RHBDD1: variants seen among roughly 807,000 people sequenced by gnomAD.
RHBDD1 encodes the protein rhomboid domain containing 1.
In RHBDD1, 38 loss-of-function variants were observed where a neutral mutation model predicts 36.3. The ratio of observed to expected loss-of-function variants is 1.05; its 90% CI spans 0.81 to 1.37. The LOEUF (loss-of-function observed/expected upper bound fraction) is 1.37. Ranked by LOEUF, RHBDD1 falls within the 40% of genes most tolerant of loss-of-function variation. RHBDD1 has a pLI of 0.00. For synonymous variants in RHBDD1, 151 were observed against 136.5 expected (o/e 1.11, Z -0.74); for missense variants, 393 against 377.6 (o/e 1.04, Z -0.34).
At chr2:226,958,635 A>G (rs1036824996) in intron 8 of RHBDD1, among the ~76,000 whole-genome samples, 1 of 152,002 alleles carries the variant, frequency 6.6e-6, no homozygotes, top group African/African-American at 2.4e-5. Context: ...ATAATAGAGG[A>G]GAAAAACTGA....
At chr2:226,963,970 C>T (rs966779633) in intron 8 of RHBDD1, among the ~76,000 whole-genome samples, 1 of 152,144 alleles carries the variant, frequency 6.6e-6, no homozygotes, top group Non-Finnish European at 1.5e-5. Flanking sequence ...GCTAATCCTT[C>T]ACCCACCTAC....
intron 5 of RHBDD1, among the ~76,000 whole-genome samples, chr2:226,893,876 G>A (rs780370283): frequency 1.2e-4 from 18 of 152,266 alleles, no homozygotes; most frequent in East Asian, 5.8e-4. Context: ...CCAGTCTGTC[G>A]AAAGGACATT....
At chr2:226,949,755 G>A (rs1275715936) in intron 8 of RHBDD1, among the ~76,000 whole-genome samples, 1 of 152,052 alleles carries the variant, frequency 6.6e-6, no homozygotes, top group African/African-American at 2.4e-5. Context: ...GACAGGTTTG[G>A]CTTCTCCTGA....
chr2:226,843,318 T>C (rs182007488), intron 3 of RHBDD1, among the ~76,000 whole-genome samples: 1 of 152,130 alleles, frequency 6.6e-6, no homozygotes, highest in African/African-American at 2.4e-5. Flanking sequence ...TGAATAGGAG[T>C]GGTGGGAGAG....
intron 3 of RHBDD1, among the ~76,000 whole-genome samples, chr2:226,860,271 T>C (rs1446583123): frequency 1.3e-5 from 2 of 152,142 alleles, no homozygotes; most frequent in African/African-American, 2.4e-5. Flanking sequence ...GCACAGGGAC[T>C]GGCCTTTCTT....
chr2:226,903,873 C>G (rs189367608), intron 5 of RHBDD1, among the ~76,000 whole-genome samples: 2 of 152,130 alleles, frequency 1.3e-5, no homozygotes, highest in Admixed American at 1.3e-4. Flanking sequence ...AATAGCAGAA[C>G]GGCGCAACAG....
At chr2:226,954,088 C>T (rs1291817239) in intron 8 of RHBDD1, among the ~76,000 whole-genome samples, 1 of 152,150 alleles carries the variant, frequency 6.6e-6, no homozygotes, top group Non-Finnish European at 1.5e-5. Flanking sequence ...GAATACCTGC[C>T]ATGTTTCCGG....
chr2:226,985,634 C>T (rs1039027253), intron 8 of RHBDD1, among the ~76,000 whole-genome samples: 2 of 152,238 alleles, frequency 1.3e-5, no homozygotes, highest in Admixed American at 6.5e-5. Flanking sequence ...CGGAGTCACC[C>T]GGGAGCTCAT....
intron 8 of RHBDD1, among the ~76,000 whole-genome samples, chr2:226,949,097 A>T (rs1294973601): frequency 6.6e-6 from 1 of 152,202 alleles, no homozygotes; most frequent in Non-Finnish European, 1.5e-5. Context: ...CTTCAAGGAG[A>T]ACTACAAACC....
intron 3 of RHBDD1, among the ~76,000 whole-genome samples, chr2:226,843,586 A>G (rs1020799369): frequency 6.6e-6 from 1 of 152,124 alleles, no homozygotes; most frequent in South Asian, 2.1e-4. Context: ...TAATTTGTAT[A>G]TGTTGAACCA....
At chr2:226,854,601 G>GAAAAA (rs34985443) in intron 3 of RHBDD1, among the ~76,000 whole-genome samples, 7 of 83,666 alleles carry the variant, frequency 8.4e-5, no homozygotes, top group East Asian at 3.9e-4. Flanking sequence ...ACTCTGTTTC[G>GAAAAA]AAAAAAAAAA....
chr2:226,853,184 T>C (rs1188936529), intron 3 of RHBDD1, among the ~76,000 whole-genome samples: 1 of 152,164 alleles, frequency 6.6e-6, no homozygotes, highest in Non-Finnish European at 1.5e-5. Context: ...TTTTAAAACA[T>C]TCAAACTTCA....
chr2:226,940,933 C>G (rs767106506), intron 8 of RHBDD1, among the ~76,000 whole-genome samples: 1 of 151,742 alleles, frequency 6.6e-6, no homozygotes, highest in Non-Finnish European at 1.5e-5. Flanking sequence ...CTAGATTAGA[C>G]TCACATTTTC....
rs1408856860 is a variant in RHBDD1, at chr2:226,997,196, A to G, written c.*1674A>G. 6.6e-6 allele frequency: 1 copy of G among 152,176 alleles called. No homozygotes were observed. The highest frequency in any genetic ancestry group is 2.4e-5 in the African/African-American group (1 of 41,420). 9.4% of individuals were successfully genotyped at this position (152,176 alleles called of 1,614,324 possible). A position where few individuals can be genotyped will look rare whatever the true frequency, so the allele number is the denominator to read the frequency against. On this transcript the variant is annotated 3_prime_UTR_variant, in exon 9 of 9. Coordinates refer to ENST00000392062, the MANE Select transcript of RHBDD1 (RefSeq NM_001167608.3). Reference sequence around the variant, plus strand: ...TTTGGTTAATTTATAACTGATATAAAACTACATCTTCTTTATAATATAAAT... The same window carrying G: ...TTTGGTTAATTTATAACTGATATAAGACTACATCTTCTTTATAATATAAAT...
At chr2:226,877,095 G>A (rs1356858423) in intron 5 of RHBDD1, among the ~76,000 whole-genome samples, 1 of 152,134 alleles carries the variant, frequency 6.6e-6, no homozygotes, top group African/African-American at 2.4e-5. Flanking sequence ...TCAGGTAATC[G>A]TGGATATCCC....
chr2:226,930,105 A>G (rs570730270), intron 8 of RHBDD1, among the ~76,000 whole-genome samples: 24 of 152,220 alleles, frequency 1.6e-4, no homozygotes, highest in African/African-American at 4.6e-4. Flanking sequence ...TGCATATTCA[A>G]TGCAATTCCT....
At chr2:226,961,333 GTC>G (rs1324712085) in intron 8 of RHBDD1, among the ~76,000 whole-genome samples, 1 of 152,128 alleles carries the variant, frequency 6.6e-6, no homozygotes, top group Non-Finnish European at 1.5e-5. Flanking sequence ...AAAGCACTGG[GTC>G]TGTTTCCTTT....
At chr2:226,914,162 CA>C in intron 7 of RHBDD1, 45 bp from the exon 8 acceptor site, 1 of 1,581,454 alleles carries the variant, frequency 6.3e-7, no homozygotes, top group Non-Finnish European at 8.6e-7. Flanking sequence ...AAGTATAAAA[CA>C]ACAGTCCATA....
chr2:226,823,706 T>C, the RHBDD1 span, among the ~76,000 whole-genome samples: 6 of 152,184 alleles, frequency 3.9e-5, no homozygotes, highest in Admixed American at 2.0e-4. Flanking sequence ...ACTGGGTAAT[T>C]TATGATCAAC....
Sources: gnomAD v4.1 joint callset for allele counts (sites outside exome capture counted in the v4.1 genomes callset) on GRCh38, gnomAD v4.1.1 for gene constraint, MANE v1.5 for transcripts, NCBI Gene and HGNC (gene_info 2026-07-23, HGNC 2026-07-21) for gene names.